ROS1: variants seen among roughly 807,000 people sequenced by gnomAD.
The protein encoded by ROS1 is ROS proto-oncogene 1, receptor tyrosine kinase, also known as proto-oncogene tyrosine-protein kinase ROS.
ROS1 carries 263 observed loss-of-function variants against 273.5 expected under a neutral mutation model. The ratio of observed to expected loss-of-function variants is 0.96; its 90% CI spans 0.87 to 1.06. The LOEUF is 1.06. Ranked by LOEUF, ROS1 falls within the 50% of genes least tolerant of loss-of-function variation. The pLI is 0.00. For synonymous variants in ROS1, 1,008 were observed against 954.1 expected, an observed-to-expected ratio of 1.06 and a Z score of -1.04; for missense variants, 2,833 against 2,751.1, an observed-to-expected ratio of 1.03 and a Z score of -0.67.
At chr6:117,374,950 G>A (rs945671027) in intron 18 of ROS1, among the ~76,000 whole-genome samples, 1 of 152,146 alleles carries the variant, frequency 6.6e-6, no homozygotes. Flanking sequence ...CCACTATTGG[G>A]TATCCACCCA....
rs775340905 is a variant in ROS1, at chr6:117,393,285, C to A, written c.1228G>T (p.Glu410Ter). The change falls in exon 12 of 44, where the codon GAG (glutamate) becomes TAG (stop). Residue 410 changes from glutamate (E) to a stop codon, truncating the protein, a stop_gained. Coordinates refer to ENST00000368507, the MANE Select transcript of ROS1 (RefSeq NM_001378902.1). LOFTEE classifies it high-confidence loss of function. ...CTAATAGAGGGTGGAGTAATTTCCT[C>A]GATGTTTGAGCAGTTCTCTAAATCA... ...VCDLENCSNIEEITPPSISAP... is the reference protein window; with the variant it reads ...VCDLENCSNI 3.1e-6 allele frequency: 5 copies of A among 1,612,248 alleles called. No homozygotes were observed. The Admixed American group carries it at 5.0e-5, about 16-fold the overall frequency.
intron 32 of ROS1, among the ~76,000 whole-genome samples, chr6:117,329,780 G>T (rs985550287): frequency 6.6e-6 from 1 of 152,008 alleles, no homozygotes; most frequent in Non-Finnish European, 1.5e-5. Flanking sequence ...CAAGGGGAGC[G>T]GCGAGCGAGC....
chr6:117,356,710 A>T lies in ROS1; in HGVS notation c.4045T>A (p.Phe1349Ile). Residue 1349 changes from phenylalanine (F) to isoleucine (I), a missense_variant, in exon 26 of 44, where the codon TTT (phenylalanine) becomes ATT (isoleucine). Physicochemically the swap from Phe to Ile is conservative, Grantham distance 21. Coordinates refer to ENST00000368507, the MANE Select transcript of ROS1 (RefSeq NM_001378902.1). Reference sequence around the variant, plus strand: ...GCCCAGATCTCTTGTGCTTTGGCAAAGTATATCAATGGTTTCTCTAGGTTA... The same window carrying T: ...GCCCAGATCTCTTGTGCTTTGGCAATGTATATCAATGGTTTCTCTAGGTTA... Reference protein sequence around the residue: ...TSNLEKPLIYFAKAQEIWAMD... With the variant: ...TSNLEKPLIYIAKAQEIWAMD... 6.2e-7 allele frequency: 1 copy of T among 1,614,192 alleles called. No individual in the cohort carries two copies. Among genetic ancestry groups the T allele is most frequent in the Non-Finnish European group, 8.5e-7 (1 of 1,180,010 alleles).
chr6:117,311,544 A>G (rs1348570492), intron 39 of ROS1, among the ~76,000 whole-genome samples: 1 of 152,162 alleles, frequency 6.6e-6, no homozygotes, highest in Non-Finnish European at 1.5e-5. Context: ...GCTGGTCGAT[A>G]ACAGGCACTT....
chr6:117,342,062 G>T (rs1488318699), intron 29 of ROS1, among the ~76,000 whole-genome samples: 1 of 152,082 alleles, frequency 6.6e-6, no homozygotes, highest in Admixed American at 6.6e-5. Context: ...AAAAAGCTTG[G>T]TTTTTCTATA....
chr6:117,354,411 CTATCATGTGGAAAGTGATTAAAT>C (rs1168678010), intron 26 of ROS1, among the ~76,000 whole-genome samples: 3 of 151,578 alleles, frequency 2.0e-5, no homozygotes, highest in South Asian at 2.1e-4. Flanking sequence ...AGTTGAATGG[CTATCATGTGGAAAGTGATTAAAT>C]TATTCTTTGT....
At chr6:117,374,978 T>C (rs1243015747) in intron 18 of ROS1, among the ~76,000 whole-genome samples, 1 of 152,208 alleles carries the variant, frequency 6.6e-6, no homozygotes, top group East Asian at 1.9e-4. Context: ...GAAGTCATTA[T>C]ACAAAAAAGA....
At chr6:117,290,937 G>A (rs1309101037) in intron 43 of ROS1, among the ~76,000 whole-genome samples, 1 of 152,124 alleles carries the variant, frequency 6.6e-6, no homozygotes, top group African/African-American at 2.4e-5. Flanking sequence ...ATGCCCACCA[G>A]TCTGCAAAGC....
chr6:117,344,610 C>T (rs1562294916), intron 27 of ROS1, among the ~76,000 whole-genome samples: 1 of 152,126 alleles, frequency 6.6e-6, no homozygotes, highest in Admixed American at 6.5e-5. Context: ...AATCATGTGA[C>T]ACGGTCTGGT....
intron 18 of ROS1, among the ~76,000 whole-genome samples, chr6:117,374,617 T>C (rs1296807153): frequency 1.3e-5 from 2 of 152,148 alleles, no homozygotes; most frequent in African/African-American, 4.8e-5. Flanking sequence ...AAAACAAAGA[T>C]AAATAGATGG....
chr6:117,396,707 G>T (rs1773515113), intron 8 of ROS1, among the ~76,000 whole-genome samples: 1 of 152,044 alleles, frequency 6.6e-6, no homozygotes, highest in African/African-American at 2.4e-5. Context: ...GAATATAATA[G>T]AAATACTTGA....
At chr6:117,409,677 C>G in intron 4 of ROS1, 35 bp from the exon 5 acceptor site, 1 of 1,568,406 alleles carries the variant, frequency 6.4e-7, no homozygotes, top group Non-Finnish European at 8.8e-7. Flanking sequence ...GTCAGGGCAG[C>G]CTTGATACTG....
At chr6:117,358,986 G>A (rs1292204363) in intron 24 of ROS1, among the ~76,000 whole-genome samples, 1 of 152,104 alleles carries the variant, frequency 6.6e-6, no homozygotes, top group Non-Finnish European at 1.5e-5. Context: ...CTGGCTTGCT[G>A]TTGGCTTCTA....
At chr6:117,345,642 G>A (rs1051090345) in intron 27 of ROS1, among the ~76,000 whole-genome samples, 11 of 152,152 alleles carry the variant, frequency 7.2e-5, no homozygotes, top group Non-Finnish European at 1.5e-4. Flanking sequence ...GGGGGTAAAT[G>A]TCTAAGTGAC....
chr6:117,360,039 A>G (rs1779662185), intron 23 of ROS1, 28 bp from the exon 24 acceptor site: 1 of 1,568,942 alleles, frequency 6.4e-7, no homozygotes, highest in Non-Finnish European at 8.8e-7. Context: ...TGTAGATAAT[A>G]TGCATGAGAA....
intron 7 of ROS1, among the ~76,000 whole-genome samples, chr6:117,401,117 C>T (rs1381144949): frequency 6.6e-6 from 1 of 152,142 alleles, no homozygotes; most frequent in African/African-American, 2.4e-5. Context: ...TCCATTCAGC[C>T]ACCCCAACAG....
At chr6:117,376,319 T>C (rs866249970) in intron 18 of ROS1, among the ~76,000 whole-genome samples, 1 of 152,076 alleles carries the variant, frequency 6.6e-6, no homozygotes, top group South Asian at 2.1e-4. Context: ...GAAATAAAAA[T>C]AAATAGCCTT....
rs1778170432 is a variant in ROS1 at position 117,344,068 on chromosome 6, T to TCTTTGAAGAAACAAAA, written c.4497_4498insTTTTGTTTCTTCAAAG (p.Arg1500PhefsTer18). ...ACTAGTTCCAATCTTACCAGAATTC[T>TCTTTGAAGAAACAAAA]ATATTTCAAGTCAGAGCTGTTTTTC... is the stretch of plus-strand genomic sequence containing the variant. On this transcript the variant is annotated frameshift_variant, in exon 28 of 44. Coordinates refer to ENST00000368507, the MANE Select transcript of ROS1 (RefSeq NM_001378902.1). LOFTEE classifies it high-confidence loss of function. 3 of 1,611,738 alleles carry TCTTTGAAGAAACAAAA rather than the reference T, an allele frequency of 1.9e-6. No homozygotes were observed. In the Admixed American group the frequency reaches 5.0e-5, roughly 27 times the overall value.
rs777521307 is a variant in ROS1 at position 117,323,086 on chromosome 6, G to A, written c.5623+1246C>T. ...TGCCAAATATACTGCAGTCATATGC[G>A]TAAGTCTGGAGGGGCTGGCTTAGTG... On this transcript the variant is annotated intron_variant, in intron 35 of 43. Transcript: ENST00000368507. Among the ~76,000 whole-genome samples, 13 of 152,264 alleles carry A rather than the reference G, an allele frequency of 8.5e-5. No homozygotes were observed. The East Asian group carries it at 1.5e-3, about 18-fold the overall frequency.
Sources: allele counts gnomAD v4.1 joint callset (sites outside exome capture counted in the v4.1 genomes callset), GRCh38; gene constraint gnomAD v4.1.1; transcripts MANE v1.5; gene names NCBI Gene and HGNC (gene_info 2026-07-23, HGNC 2026-07-21).